Variants in ANKRD28 observed in about 807,000 individuals in gnomAD.
The protein encoded by ANKRD28 is serine/threonine-protein phosphatase 6 regulatory ankyrin repeat subunit A.
ANKRD28 carries 44 observed loss-of-function variants against 126.5 expected under a neutral mutation model. The ratio of observed to expected loss-of-function variants is 0.35; its 90% CI spans 0.27 to 0.45. The LOEUF (loss-of-function observed/expected upper bound fraction) is 0.45. Among genes scored for constraint, ANKRD28 ranks in the 20% least tolerant of loss-of-function variants. The pLI, the probability that ANKRD28 is intolerant of heterozygous loss-of-function variation, is 1.00. For missense variants in ANKRD28, 1,110 were observed against 1,316.6 expected (o/e 0.84, Z 2.43); for synonymous variants, 442 against 468.5 (o/e 0.94, Z 0.73).
intron 8 of ANKRD28, among the ~76,000 whole-genome samples, chr3:15,719,390 C>T (rs1051084669): frequency 6.6e-6 from 1 of 151,950 alleles, no homozygotes; most frequent in Non-Finnish European, 1.5e-5. Context: ...TTTCTTCATA[C>T]CACCAGATAC....
intron 14 of ANKRD28, among the ~76,000 whole-genome samples, chr3:15,705,089 C>T (rs146376751): frequency 5.3e-5 from 8 of 152,210 alleles, no homozygotes; most frequent in East Asian, 1.9e-4. Context: ...TTGGGTCTTT[C>T]GGATCCCAAG....
intron 1 of ANKRD28, among the ~76,000 whole-genome samples, chr3:15,810,719 CT>C (rs2060694756): frequency 6.9e-6 from 1 of 144,386 alleles, no homozygotes. Flanking sequence ...TTTTTTTCCC[CT>C]AAGTAACATT....
chr3:15,828,319 G>A (rs2061114195), intron 1 of ANKRD28, among the ~76,000 whole-genome samples: 1 of 152,108 alleles, frequency 6.6e-6, no homozygotes, highest in African/African-American at 2.4e-5. Context: ...CATGAAGTTA[G>A]GGCTGGACGC....
In ANKRD28 at chr3:15,797,204, A is replaced by C. The variant is rs1325535567; in HGVS notation, c.-683T>G. 2.2e-4 allele frequency: 208 copies of C among 936,714 alleles called. 1 individual carries two copies. In the African/African-American group the frequency reaches 3.1e-3, roughly 14 times the overall value. 58.0% of individuals were successfully genotyped at this position (936,714 alleles called of 1,614,324 possible). ...AGTGTTTGGGAAAGGGGCAAAAAAC[A>C]AAAACAAAAAAAAAAAAACCACTCT... is the stretch of plus-strand genomic sequence containing the variant. On this transcript the variant is annotated 5_prime_UTR_variant, in exon 1 of 28. Coordinates refer to ENST00000683139, the MANE Select transcript of ANKRD28 (RefSeq NM_001349278.2).
intron 1 of ANKRD28, 150 bp from the exon 2 acceptor site, chr3:15,795,456 T>A: frequency 2.0e-6 from 1 of 512,722 alleles, no homozygotes; most frequent in Non-Finnish European, 3.4e-6. Flanking sequence ...CCAAATCATG[T>A]CAAAGTACAG....
Position 15,833,222 on chromosome 3 carries a change from C to T in ANKRD28, c.27+26155G>A, listed in dbSNP as rs539011724. 6.6e-6 allele frequency among the ~76,000 whole-genome samples: 1 copy of T among 152,248 alleles called. No individual in the cohort carries two copies. The highest frequency in any genetic ancestry group is 1.9e-4 in the East Asian group (1 of 5,184). Reference sequence around the variant, plus strand: ...TGGGAAAGGCGGATCTACCCTTAATCTGAGTAGGCACCATCTAATCAGCTG... The same window carrying T: ...TGGGAAAGGCGGATCTACCCTTAATTTGAGTAGGCACCATCTAATCAGCTG... On this transcript the variant is annotated intron_variant, in intron 1 of 27. Coordinates refer to the ANKRD28 transcript ENST00000399451. The surrounding 1 kb of genome is among the most constrained non-coding windows in gnomAD (Gnocchi z 4.4).
chr3:15,690,941 C>T (rs1377527498), intron 17 of ANKRD28, among the ~76,000 whole-genome samples: 2 of 152,130 alleles, frequency 1.3e-5, no homozygotes. Flanking sequence ...TGAGTCAGTG[C>T]TTGAATATTC....
intron 1 of ANKRD28, among the ~76,000 whole-genome samples, chr3:15,807,370 C>T (rs1285795691): frequency 3.3e-5 from 5 of 152,076 alleles, no homozygotes; most frequent in South Asian, 2.1e-4. Context: ...GTGGGATAGA[C>T]GTGGACATAC....
chr3:15,804,323 T>C (rs1185497270), intron 1 of ANKRD28, among the ~76,000 whole-genome samples: 1 of 145,062 alleles, frequency 6.9e-6, no homozygotes. Flanking sequence ...AAGTTATTAA[T>C]TGTAACTGAC....
At position 15,854,068 on chromosome 3, in the gene ANKRD28, C is replaced by A. The variant is rs1034408306; in HGVS notation, c.27+5309G>T. 4.6e-5 allele frequency among the ~76,000 whole-genome samples: 7 copies of A among 152,150 alleles called. No homozygotes were observed. Among genetic ancestry groups the A allele is most frequent in the African/African-American group, 1.7e-4 (7 of 41,424 alleles). On this transcript the variant is annotated intron_variant, in intron 1 of 27. Transcript: ENST00000399451. The surrounding 1 kb of genome is among the most constrained non-coding windows in gnomAD (Gnocchi z 4.1). Reference sequence around the variant, plus strand: ...GTCTGCCTTTTGTAATCTACTCTTCCAAAACCTGTAATGGTTATCTAACTT... The same window carrying A: ...GTCTGCCTTTTGTAATCTACTCTTCAAAAACCTGTAATGGTTATCTAACTT...
intron 27 of ANKRD28, among the ~76,000 whole-genome samples, chr3:15,671,958 TG>T (rs1003077896): frequency 2.0e-5 from 3 of 152,278 alleles, no homozygotes; most frequent in African/African-American, 7.2e-5. Flanking sequence ...CTGGCATTTT[TG>T]TGTAGCATTA....
intron 1 of ANKRD28, among the ~76,000 whole-genome samples, chr3:15,852,199 T>C (rs1008513609): frequency 9.2e-5 from 14 of 152,220 alleles, no homozygotes; most frequent in Non-Finnish European, 1.8e-4. Context: ...GTGAATTACA[T>C]CTCAATAATG....
At chr3:15,787,757 C>T (rs1305582662) in intron 2 of ANKRD28, among the ~76,000 whole-genome samples, 1 of 152,092 alleles carries the variant, frequency 6.6e-6, no homozygotes, top group Non-Finnish European at 1.5e-5. Flanking sequence ...AAGACTTGTT[C>T]AAGATTAGAC....
At chr3:15,751,927 G>GA in intron 3 of ANKRD28, 107 bp from the exon 4 acceptor site, 28 of 692,676 alleles carry the variant, frequency 4.0e-5, no homozygotes, top group Non-Finnish European at 5.8e-5. Context: ...AATGACAATT[G>GA]AAAAAAAACT....
chr3:15,683,785 GC>G (rs1240658452), intron 21 of ANKRD28: 3 of 152,152 alleles, frequency 2.0e-5, no homozygotes, highest in Non-Finnish European at 4.4e-5. Context: ...ACAAGATTCA[GC>G]TTTTTCCTCT....
chr3:15,724,331 G>C, intron 7 of ANKRD28, 51 bp downstream of exon 7: 2 of 1,417,370 alleles, frequency 1.4e-6, no homozygotes, highest in Middle Eastern at 1.8e-4. Flanking sequence ...TAATGTAATA[G>C]TAAGTATAAA....
At position 15,828,033 on chromosome 3, in the gene ANKRD28, C is replaced by T. The variant is rs549754273; in HGVS notation, c.27+31344G>A. ...AAGTCATGAAATACCACTTCATACA[C>T]GAGAATAGCTATTATTAAAAATTGT... On this transcript the variant is annotated intron_variant, in intron 1 of 27. Transcript: ENST00000399451. Among the ~76,000 whole-genome samples, 6 of 152,108 alleles carry T rather than the reference C, an allele frequency of 3.9e-5. No homozygotes were observed. The South Asian group carries it at 6.2e-4, about 16-fold the overall frequency.
At chr3:15,728,429 G>T (rs1306261735) in intron 6 of ANKRD28, among the ~76,000 whole-genome samples, 3 of 152,034 alleles carry the variant, frequency 2.0e-5, no homozygotes, top group African/African-American at 7.3e-5. Context: ...GAGTAGCTAG[G>T]ACTACAGATG....
intron 21 of ANKRD28, chr3:15,684,455 G>A (rs1007774223): frequency 6.6e-6 from 1 of 152,078 alleles, no homozygotes; most frequent in Non-Finnish European, 1.5e-5. Flanking sequence ...ATTGAACATG[G>A]ATATTACTGG....
Sources: allele counts gnomAD v4.1 joint callset (sites outside exome capture counted in the v4.1 genomes callset), GRCh38; gene constraint gnomAD v4.1.1; non-coding constraint Gnocchi (gnomAD v3.1); transcripts MANE v1.5; gene names NCBI Gene and HGNC (gene_info 2026-07-23, HGNC 2026-07-21).